The following COBLL1 variants were observed in gnomAD, a reference collection of about 807,000 sequenced individuals.
COBLL1 encodes cordon-bleu WH2 repeat protein like 1.
COBLL1 carries 50 observed loss-of-function variants against 94.8 expected under a neutral mutation model. The observed-to-expected ratio is 0.53, with a 90% CI of 0.42 to 0.67. The LOEUF (loss-of-function observed/expected upper bound fraction) is 0.67. Among genes scored for constraint, COBLL1 ranks in the 30% least tolerant of loss-of-function variants. The probability of loss-of-function intolerance (pLI) is 0.00; values close to 1 mark genes in which losing one functional copy is unlikely to be tolerated. For synonymous variants in COBLL1, 448 were observed against 473.8 expected (o/e 0.95, Z 0.71); for missense variants, 1,362 against 1,348.7 (o/e 1.01, Z -0.15).
In COBLL1 at chr2:164,681,071, A is replaced by G. The variant is rs1683020343; in HGVS notation, c.*4875T>C. The G allele has an allele frequency of 6.6e-6, 1 of 152,222 alleles. No homozygotes were observed. Among genetic ancestry groups the G allele is most frequent in the Non-Finnish European group, 1.5e-5 (1 of 68,052 alleles). 9.4% of individuals were successfully genotyped at this position (152,222 alleles called of 1,614,324 possible). ...TCATCTGTGAGATTCTGGAGGAAACAGCGTTGTGGAACTGAACAGACTGAA... is the reference window on the plus strand; with the variant it reads ...TCATCTGTGAGATTCTGGAGGAAACGGCGTTGTGGAACTGAACAGACTGAA... On this transcript the variant is annotated 3_prime_UTR_variant, in exon 14 of 14. Coordinates refer to ENST00000652658, the MANE Select transcript of COBLL1 (RefSeq NM_001365672.2).
intron 3 of COBLL1, among the ~76,000 whole-genome samples, chr2:164,739,169 T>C (rs1405086131): frequency 6.6e-6 from 1 of 152,086 alleles, no homozygotes; most frequent in Non-Finnish European, 1.5e-5. Flanking sequence ...ATGGCATCAC[T>C]AAGTTCTGGT....
rs980008698 is a variant in COBLL1, at chr2:164,841,302, A to G, written c.-50-56T>C. The G allele has an allele frequency of 4.9e-5, 60 of 1,214,486 alleles. No individual in the cohort carries two copies. The highest frequency in any genetic ancestry group is 6.0e-5 in the Non-Finnish European group (59 of 976,946). The allele number at this position is 1,214,486 out of a possible 1,614,324, so 75.2% of individuals were successfully genotyped here. ...GGGACGCGCGCCTTCCCGAGGCCGG[A>G]GCGAAGCTGGCTGAGCGTCAAGAGC... On this transcript the variant is annotated intron_variant, in intron 1 of 13. Coordinates refer to ENST00000652658, the MANE Select transcript of COBLL1 (RefSeq NM_001365672.2). The surrounding 1 kb of genome is among the most constrained non-coding windows in gnomAD (Gnocchi z 5.5).
At chr2:164,750,189 C>A (rs970675172) in intron 2 of COBLL1, among the ~76,000 whole-genome samples, 1 of 152,180 alleles carries the variant, frequency 6.6e-6, no homozygotes, top group Admixed American at 6.5e-5. Flanking sequence ...TTATTCCCAA[C>A]AATCTCATGG....
chr2:164,785,928 T>C (rs550739742), intron 2 of COBLL1, among the ~76,000 whole-genome samples: 1 of 152,218 alleles, frequency 6.6e-6, no homozygotes, highest in South Asian at 2.1e-4. Context: ...GTAGATTTTT[T>C]TTTTTTTAAG....
intron 2 of COBLL1, among the ~76,000 whole-genome samples, chr2:164,831,750 T>C (rs1683087982): frequency 6.6e-6 from 1 of 152,160 alleles, no homozygotes; most frequent in Admixed American, 6.5e-5. Context: ...TATAAGACAG[T>C]GACCCTGTCT....
At chr2:164,755,491 C>A (rs1687353239) in intron 2 of COBLL1, among the ~76,000 whole-genome samples, 1 of 152,142 alleles carries the variant, frequency 6.6e-6, no homozygotes, top group South Asian at 2.1e-4. Flanking sequence ...ATACCTCTCT[C>A]AAATCTTCCC....
At chr2:164,770,664 C>G (rs1398940031) in intron 2 of COBLL1, among the ~76,000 whole-genome samples, 1 of 152,024 alleles carries the variant, frequency 6.6e-6, no homozygotes, top group Non-Finnish European at 1.5e-5. Flanking sequence ...CTCCCAGAAA[C>G]AAGAAGAGGA....
downstream of COBLL1, among the ~76,000 whole-genome samples, chr2:164,679,439 C>G (rs1020007334): frequency 6.6e-6 from 1 of 151,784 alleles, no homozygotes; most frequent in African/African-American, 2.4e-5. Context: ...GAAAAAAAAA[C>G]TTTTTGAAGA....
intron 2 of COBLL1, among the ~76,000 whole-genome samples, chr2:164,815,823 A>C (rs769672364): frequency 7.2e-5 from 11 of 152,300 alleles, no homozygotes; most frequent in Middle Eastern, 6.8e-3. Flanking sequence ...TGACACGCAC[A>C]AGAGAAAGGG....
intron 2 of COBLL1, among the ~76,000 whole-genome samples, chr2:164,827,707 A>T (rs1325963439): frequency 2.0e-5 from 3 of 152,378 alleles, no homozygotes; most frequent in African/African-American, 7.2e-5. Context: ...ATTCTTATGT[A>T]CTAGTCACAC....
intron 13 of COBLL1, among the ~76,000 whole-genome samples, chr2:164,691,757 C>A (rs927557176): frequency 1.3e-5 from 2 of 152,196 alleles, no homozygotes; most frequent in African/African-American, 4.8e-5. Flanking sequence ...CTATCATCTA[C>A]ATTCTCTAGA....
At chr2:164,836,047 GTTAT>G (rs1683304059) in intron 2 of COBLL1, among the ~76,000 whole-genome samples, 1 of 151,996 alleles carries the variant, frequency 6.6e-6, no homozygotes, top group South Asian at 2.1e-4. Flanking sequence ...TCATAATATT[GTTAT>G]TCAATATCCT....
intron 2 of COBLL1, among the ~76,000 whole-genome samples, chr2:164,804,110 C>CAAA (rs71393642): frequency 1.3e-4 from 11 of 82,564 alleles, no homozygotes; most frequent in African/African-American, 3.4e-4. Context: ...TAGGCCTTAG[C>CAAA]AAAAAAAAAA....
rs532817904 is a variant in COBLL1, at chr2:164,829,558, A to T, written c.41+11598T>A. 6.6e-5 allele frequency among the ~76,000 whole-genome samples: 10 copies of T among 152,264 alleles called. No homozygotes were observed. The South Asian group carries it at 1.9e-3, about 28-fold the overall frequency. The stretch of plus-strand genomic sequence containing the variant: ...CTTGAAGAGAACTCCATGAAATTTA[A>T]TTTTTTTCCATGAAGCAGTAGTGTA... On this transcript the variant is annotated intron_variant, in intron 2 of 13. Transcript: ENST00000652658.
intron 2 of COBLL1, among the ~76,000 whole-genome samples, chr2:164,818,788 A>AT (rs1321512077): frequency 2.0e-5 from 3 of 149,662 alleles, no homozygotes; most frequent in African/African-American, 2.5e-5. Flanking sequence ...ATATACATAT[A>AT]ATTTTTTTTC....
At chr2:164,708,486 G>T (rs1022843621) in intron 7 of COBLL1, among the ~76,000 whole-genome samples, 1 of 152,104 alleles carries the variant, frequency 6.6e-6, no homozygotes, top group Non-Finnish European at 1.5e-5. Context: ...AGAATATAAA[G>T]GTTAAATAGA....
chr2:164,786,602 A>C (rs1292509445), intron 2 of COBLL1, among the ~76,000 whole-genome samples: 1 of 152,154 alleles, frequency 6.6e-6, no homozygotes, highest in East Asian at 1.9e-4. Flanking sequence ...TAAAAAAATC[A>C]AAAATTTTAA....
At chr2:164,750,732 T>C (rs1391787370) in intron 2 of COBLL1, among the ~76,000 whole-genome samples, 1 of 152,174 alleles carries the variant, frequency 6.6e-6, no homozygotes, top group East Asian at 1.9e-4. Flanking sequence ...CCCAAATTCT[T>C]TTCCTTGGCT....
intron 3 of COBLL1, among the ~76,000 whole-genome samples, chr2:164,735,674 T>A (rs1052616471): frequency 1.3e-5 from 2 of 152,148 alleles, no homozygotes; most frequent in Admixed American, 1.3e-4. Flanking sequence ...AATAAAATAA[T>A]CGCTTGAATA....
Sources: allele counts gnomAD v4.1 joint callset (sites outside exome capture counted in the v4.1 genomes callset), GRCh38; gene constraint gnomAD v4.1.1; non-coding constraint Gnocchi (gnomAD v3.1); transcripts MANE v1.5; gene names NCBI Gene and HGNC (gene_info 2026-07-23, HGNC 2026-07-21).